SLC7A14: variants seen among roughly 807,000 people sequenced by gnomAD.
SLC7A14 encodes the protein solute carrier family 7 member 14.
A neutral mutation model predicts 60.2 loss-of-function variants in SLC7A14; 37 were observed. That is an observed-to-expected ratio of 0.61 (90% CI 0.47 to 0.81). SLC7A14 has a LOEUF of 0.81. SLC7A14 is among the 30% of genes least tolerant of loss of function. The pLI is 0.00. For missense variants in SLC7A14, 886 were observed against 982.7 expected (o/e 0.90, Z 1.32); for synonymous variants, 399 against 395.8 (o/e 1.01, Z -0.10).
In SLC7A14 at chr3:170,470,723, A is replaced by AAGGG. The variant is rs1382361509; in HGVS notation, c.1994-3350_1994-3347dup. On this transcript the variant is annotated intron_variant, in intron 7 of 7. Coordinates refer to ENST00000231706, the MANE Select transcript of SLC7A14 (RefSeq NM_020949.3). The stretch of plus-strand genomic sequence containing the variant: ...ACAAAGAAACAGAGAGGAACAGATG[A>AAGGG]AGGGAGGGAGGGAGGGAGAGAGAGA... Among the ~76,000 whole-genome samples, 12 of 150,910 alleles carry AAGGG rather than the reference A, an allele frequency of 8.0e-5. No homozygotes were observed. In the East Asian group the frequency reaches 1.8e-3, roughly 23 times the overall value.
chr3:170,499,444 C>A (rs1162351607), intron 3 of SLC7A14, among the ~76,000 whole-genome samples: 1 of 151,948 alleles, frequency 6.6e-6, no homozygotes, highest in Non-Finnish European at 1.5e-5. Flanking sequence ...GTGACAATTA[C>A]AACAGCGCCT....
In SLC7A14 at chr3:170,466,807, T is replaced by A; in HGVS notation, c.*248A>T. On this transcript the variant is annotated 3_prime_UTR_variant, in exon 8 of 8. Coordinates refer to ENST00000231706, the MANE Select transcript of SLC7A14 (RefSeq NM_020949.3). The stretch of plus-strand genomic sequence containing the variant: ...TCTGGTGGTTGCACCTAAGATGGAA[T>A]TTCATATAGCCTCTTGTTTATTTAT... The A allele has an allele frequency of 2.4e-6, 1 of 417,654 alleles. No individual in the cohort carries two copies. The highest frequency in any genetic ancestry group is 4.2e-6 in the Non-Finnish European group (1 of 235,748). The allele number at this position is 417,654 out of a possible 1,614,324, so 25.9% of individuals were successfully genotyped here.
chr3:170,565,078 C>G (rs996976805), intron 1 of SLC7A14, among the ~76,000 whole-genome samples: 1 of 152,130 alleles, frequency 6.6e-6, no homozygotes, highest in African/African-American at 2.4e-5. Context: ...ATTCTGTGTT[C>G]TGCCCTTACT....
intron 4 of SLC7A14, among the ~76,000 whole-genome samples, chr3:170,494,615 T>C (rs534483727): frequency 1.3e-5 from 2 of 152,358 alleles, no homozygotes; most frequent in East Asian, 3.9e-4. Flanking sequence ...AGTCTTTAAG[T>C]GGGGCCTAAA....
At chr3:170,526,307 C>G (rs1377358740) in intron 2 of SLC7A14, among the ~76,000 whole-genome samples, 11 of 151,582 alleles carry the variant, frequency 7.3e-5, no homozygotes, top group African/African-American at 2.2e-4. Context: ...AAGGCTGAAG[C>G]AGGAGAATTG....
rs115863993 is a variant in SLC7A14, at chr3:170,503,753, G to A, written c.305-2408C>T. The stretch of plus-strand genomic sequence containing the variant: ...ATCAAACATTCTCTCCATAACATTC[G>A]ATCTGACAAATTAAATTTAAAAATA... On this transcript the variant is annotated intron_variant, in intron 2 of 7. Coordinates refer to ENST00000231706, the MANE Select transcript of SLC7A14 (RefSeq NM_020949.3). 4.8e-3 allele frequency among the ~76,000 whole-genome samples: 725 copies of A among 152,192 alleles called. 5 individuals carry two copies. Among genetic ancestry groups the A allele is most frequent in the African/African-American group, 0.017 (685 of 41,510 alleles).
At chr3:170,472,944 T>C (rs1739961375) in intron 7 of SLC7A14, among the ~76,000 whole-genome samples, 1 of 152,142 alleles carries the variant, frequency 6.6e-6, no homozygotes, top group African/African-American at 2.4e-5. Flanking sequence ...TGATATTAAA[T>C]ACTTTGTGGT....
At position 170,471,092 on chromosome 3, in the gene SLC7A14, T is replaced by G. The variant is rs556283879; in HGVS notation, c.1994-3715A>C. On this transcript the variant is annotated intron_variant, in intron 7 of 7. Transcript: ENST00000231706. ...TCCCTTTAACCTGTCTGGGAAGGGGTGTGTGTGTGTGTGTGTGTGTGTGTG... is the reference window on the plus strand; with the variant it reads ...TCCCTTTAACCTGTCTGGGAAGGGGGGTGTGTGTGTGTGTGTGTGTGTGTG... Among the ~76,000 whole-genome samples, 48 of 134,740 alleles carry G rather than the reference T, an allele frequency of 3.6e-4. No homozygotes were observed. In the East Asian group the frequency reaches 7.9e-3, roughly 22 times the overall value. 88.4% of individuals were successfully genotyped at this position (134,740 alleles called of 152,430 possible). A position where few individuals can be genotyped will look rare whatever the true frequency, so the allele number is the denominator to read the frequency against.
intron 1 of SLC7A14, among the ~76,000 whole-genome samples, chr3:170,549,247 G>T (rs1714269862): frequency 7.9e-6 from 1 of 127,312 alleles, no homozygotes; most frequent in Non-Finnish European, 1.6e-5. Flanking sequence ...ACGGAGTCTT[G>T]CTCTGTTGCC....
chr3:170,573,304 G>C (rs1199985377), intron 1 of SLC7A14, among the ~76,000 whole-genome samples: 1 of 152,150 alleles, frequency 6.6e-6, no homozygotes, highest in Non-Finnish European at 1.5e-5. Context: ...CTCCAAAGGA[G>C]ACCAACAAAA....
In SLC7A14 at chr3:170,521,297, G is replaced by T. The variant is rs2108291077; in HGVS notation, c.304+5336C>A. 2.0e-5 allele frequency among the ~76,000 whole-genome samples: 3 copies of T among 152,342 alleles called. 1 individual carries two copies. The highest frequency in any genetic ancestry group is 2.0e-4 in the Admixed American group (3 of 15,306). On this transcript the variant is annotated intron_variant, in intron 2 of 7. Transcript: ENST00000231706. ...CAGATTTGTTTCATGTTATAAGCTG[G>T]TTTGCATAGCATGGGGAATGGTGCG...
intron 1 of SLC7A14, among the ~76,000 whole-genome samples, chr3:170,551,578 T>A (rs1714353500): frequency 6.6e-6 from 1 of 152,254 alleles, no homozygotes; most frequent in South Asian, 2.1e-4. Context: ...TTAATCTTTT[T>A]AAAATTACAA....
chr3:170,519,730 C>G (rs529130641), intron 2 of SLC7A14, among the ~76,000 whole-genome samples: 1 of 152,154 alleles, frequency 6.6e-6, no homozygotes, highest in Non-Finnish European at 1.5e-5. Flanking sequence ...GAGCCAAGAT[C>G]GTGCCACTGC....
At chr3:170,538,993 G>C (rs1713932759) in intron 1 of SLC7A14, among the ~76,000 whole-genome samples, 1 of 152,276 alleles carries the variant, frequency 6.6e-6, no homozygotes, top group African/African-American at 2.4e-5. Context: ...TCAACTCAAC[G>C]TGTATTCGTC....
chr3:170,530,610 C>G (rs930621725), intron 1 of SLC7A14, among the ~76,000 whole-genome samples: 17 of 152,180 alleles, frequency 1.1e-4, no homozygotes, highest in African/African-American at 4.1e-4. Flanking sequence ...TTCAGGTGAG[C>G]AATATGAGAT....
intron 2 of SLC7A14, among the ~76,000 whole-genome samples, chr3:170,523,830 A>G (rs1281930187): frequency 6.6e-6 from 1 of 152,196 alleles, no homozygotes; most frequent in African/African-American, 2.4e-5. Flanking sequence ...GAAAGTGGAA[A>G]AAAGACACTG....
chr3:170,566,554 CTT>C (rs1180628053), intron 1 of SLC7A14, among the ~76,000 whole-genome samples: 1 of 152,200 alleles, frequency 6.6e-6, no homozygotes. Context: ...TCCTCTGTCT[CTT>C]GTTTCTCTCC....
At position 170,466,923 on chromosome 3, in the gene SLC7A14, C is replaced by G; in HGVS notation, c.*132G>C. On this transcript the variant is annotated 3_prime_UTR_variant, in exon 8 of 8. Coordinates refer to ENST00000231706, the MANE Select transcript of SLC7A14 (RefSeq NM_020949.3). The stretch of plus-strand genomic sequence containing the variant: ...AAGAGCAAAAGTAGCAAATGACAGG[C>G]TATGACTAGGGATTGAATTTGGGGA... 5 of 763,194 alleles carry G rather than the reference C, an allele frequency of 6.6e-6. No individual in the cohort carries two copies. The highest frequency in any genetic ancestry group is 3.5e-5 in the South Asian group (2 of 57,128). 47.3% of individuals were successfully genotyped at this position (763,194 alleles called of 1,614,324 possible).
At position 170,514,760 on chromosome 3, in the gene SLC7A14, A is replaced by G. The variant is rs1432982316; in HGVS notation, c.304+11873T>C. ...GAGCTTCAGCATTGGAACCAGGACTACTCATTTGCACTAAGAACCTAGTCT... is the reference window on the plus strand; with the variant it reads ...GAGCTTCAGCATTGGAACCAGGACTGCTCATTTGCACTAAGAACCTAGTCT... On this transcript the variant is annotated intron_variant, in intron 2 of 7. Transcript: ENST00000231706. Among the ~76,000 whole-genome samples, 4 of 152,122 alleles carry G rather than the reference A, an allele frequency of 2.6e-5. No homozygotes were observed. The East Asian group carries it at 7.7e-4, about 29-fold the overall frequency.
Sources: allele counts gnomAD v4.1 joint callset (sites outside exome capture counted in the v4.1 genomes callset), GRCh38; gene constraint gnomAD v4.1.1; transcripts MANE v1.5; gene names NCBI Gene and HGNC (gene_info 2026-07-23, HGNC 2026-07-21).